The following RAB38 variants were observed in gnomAD, a reference collection of about 807,000 sequenced individuals.
RAB38 encodes RAB38, member RAS oncogene family.
In RAB38, 15 loss-of-function variants were observed where a neutral mutation model predicts 18.4. That is an observed-to-expected ratio of 0.82 (90% CI 0.55 to 1.26). The LOEUF (loss-of-function observed/expected upper bound fraction) is 1.26, where lower values mean the gene tolerates loss of function less well. Among genes scored for constraint, RAB38 ranks in the 50% most tolerant of loss-of-function variants. The pLI is 0.00. For synonymous variants in RAB38, 101 were observed against 104.4 expected, an observed-to-expected ratio of 0.97 and a Z score of 0.20; for missense variants, 294 against 267.4, an observed-to-expected ratio of 1.10 and a Z score of -0.69.
At chr11:88,140,055 T>G (rs1371094909) in intron 2 of RAB38, among the ~76,000 whole-genome samples, 4 of 152,200 alleles carry the variant, frequency 2.6e-5, no homozygotes, top group African/African-American at 4.8e-5. Context: ...AGGAATGACT[T>G]GCATAATTCG....
the RAB38 span, among the ~76,000 whole-genome samples, chr11:87,895,550 A>G: frequency 6.6e-6 from 1 of 151,688 alleles, no homozygotes; most frequent in African/African-American, 2.4e-5. Context: ...ACTAAGTATT[A>G]TTAGCCTCAT....
chr11:88,083,861 C>G, the RAB38 span, among the ~76,000 whole-genome samples: 1 of 151,916 alleles, frequency 6.6e-6, no homozygotes, highest in Admixed American at 6.6e-5. Context: ...TTCCCTGCCT[C>G]CAAAACTGTG....
At chr11:88,071,320 C>A in the RAB38 span, among the ~76,000 whole-genome samples, 1 of 151,780 alleles carries the variant, frequency 6.6e-6, no homozygotes, top group Admixed American at 6.6e-5. Context: ...GAAACAAAAT[C>A]CACCTGCCTA....
chr11:88,072,712 G>C, the RAB38 span, among the ~76,000 whole-genome samples: 2 of 151,930 alleles, frequency 1.3e-5, no homozygotes, highest in African/African-American at 2.4e-5. Flanking sequence ...AGCGAAAGCA[G>C]GGCTTAAAAG....
the RAB38 span, among the ~76,000 whole-genome samples, chr11:87,921,187 T>G: frequency 6.6e-6 from 1 of 152,054 alleles, no homozygotes; most frequent in Non-Finnish European, 1.5e-5. Flanking sequence ...TGGTTTGACT[T>G]TAAAATGTGT....
chr11:88,061,958 AT>A, the RAB38 span: 1 of 152,094 alleles, frequency 6.6e-6, no homozygotes, highest in East Asian at 1.9e-4. Context: ...CTGTTCAAGA[AT>A]TTTTTATTTC....
the RAB38 span, among the ~76,000 whole-genome samples, chr11:88,010,376 G>A: frequency 6.6e-6 from 1 of 152,222 alleles, no homozygotes; most frequent in Non-Finnish European, 1.5e-5. Flanking sequence ...GGAAAGAGAA[G>A]TTCAAGGTGA....
chr11:88,115,649 T>C (rs1056756647), intron 2 of RAB38: 1 of 152,166 alleles, frequency 6.6e-6, no homozygotes, highest in African/African-American at 2.4e-5. Flanking sequence ...GATTGCTTTT[T>C]TGCTTATTAT....
the RAB38 span, among the ~76,000 whole-genome samples, chr11:87,820,251 G>C: frequency 6.6e-6 from 1 of 152,292 alleles, no homozygotes; most frequent in South Asian, 2.1e-4. Flanking sequence ...CAAGCCTGAT[G>C]TCTGCCAAAG....
At chr11:87,886,395 T>C in the RAB38 span, among the ~76,000 whole-genome samples, 4 of 151,850 alleles carry the variant, frequency 2.6e-5, no homozygotes, top group African/African-American at 9.7e-5. Context: ...GTCTCTCCCC[T>C]GGTGAGCCTG....
At position 88,165,822 on chromosome 11, in the gene RAB38, T is replaced by A. The variant is rs562995171; in HGVS notation, c.202+9361A>T. On this transcript the variant is annotated intron_variant, in intron 1 of 2. Transcript: ENST00000243662. ...CTTTGCTGACTCTACAGTAATTTCA[T>A]TAAATTATGCAGCAAATAACTCACA... 8.5e-5 allele frequency: 13 copies of A among 152,230 alleles called. No individual in the cohort carries two copies. The South Asian group carries it at 2.7e-3, about 32-fold the overall frequency. The allele number at this position is 152,230 out of a possible 1,614,324, so 9.4% of individuals were successfully genotyped here.
At chr11:88,020,379 G>C in the RAB38 span, among the ~76,000 whole-genome samples, 9 of 152,220 alleles carry the variant, frequency 5.9e-5, no homozygotes, top group African/African-American at 2.2e-4. Context: ...TAATGATAAA[G>C]GAGTCAATTC....
At chr11:87,826,028 A>T in the RAB38 span, among the ~76,000 whole-genome samples, 1 of 152,108 alleles carries the variant, frequency 6.6e-6, no homozygotes, top group South Asian at 2.1e-4. Flanking sequence ...AATATTGGGA[A>T]ATTGGGTAGT....
the RAB38 span, among the ~76,000 whole-genome samples, chr11:87,934,381 GTCA>G: frequency 1.3e-5 from 2 of 152,068 alleles, no homozygotes; most frequent in South Asian, 2.1e-4. Context: ...TTTCTGCCAT[GTCA>G]TCATAACAGA....
the RAB38 span, among the ~76,000 whole-genome samples, chr11:88,030,038 C>G: frequency 2.6e-4 from 39 of 152,174 alleles, no homozygotes; most frequent in African/African-American, 9.2e-4. Flanking sequence ...TCTCTCAGAC[C>G]ACAGTGCAAT....
the RAB38 span, among the ~76,000 whole-genome samples, chr11:88,047,579 C>T: frequency 2.6e-5 from 4 of 152,176 alleles, no homozygotes; most frequent in African/African-American, 7.2e-5. Flanking sequence ...CTTTCCATAT[C>T]CTGCACCACC....
At chr11:87,863,845 G>A in the RAB38 span, among the ~76,000 whole-genome samples, 1 of 151,728 alleles carries the variant, frequency 6.6e-6, no homozygotes, top group Non-Finnish European at 1.5e-5. Flanking sequence ...TACTAAAAAT[G>A]TCTAAGCATA....
the RAB38 span, among the ~76,000 whole-genome samples, chr11:87,972,431 C>A: frequency 1.3e-5 from 2 of 151,922 alleles, no homozygotes; most frequent in East Asian, 3.9e-4. Flanking sequence ...GACACCCACG[C>A]TTATAAGCCC....
chr11:87,898,010 C>G, the RAB38 span, among the ~76,000 whole-genome samples: 1 of 151,470 alleles, frequency 6.6e-6, no homozygotes, highest in Non-Finnish European at 1.5e-5. Context: ...TTTTTCATCT[C>G]AAGATTGGAA....
Sources: gnomAD v4.1 joint callset for allele counts (sites outside exome capture counted in the v4.1 genomes callset) on GRCh38, gnomAD v4.1.1 for gene constraint, MANE v1.5 for transcripts, NCBI Gene and HGNC (gene_info 2026-07-23, HGNC 2026-07-21) for gene names.